WASF2: variants seen among roughly 807,000 people sequenced by gnomAD.
The protein encoded by WASF2 is WASP family member 2, also known as actin-binding protein WASF2.
Under a neutral mutation model 45.0 loss-of-function variants are expected in WASF2, and 14 were observed. That is an observed-to-expected ratio of 0.31 (90% CI 0.21 to 0.49). The LOEUF (loss-of-function observed/expected upper bound fraction) is 0.49, where lower values mean the gene tolerates loss of function less well. Among genes scored for constraint, WASF2 ranks in the 20% least tolerant of loss-of-function variants. The pLI is 0.99. For synonymous variants in WASF2, 200 were observed against 236.3 expected, an observed-to-expected ratio of 0.85 and a Z score of 1.41; for missense variants, 439 against 636.1, an observed-to-expected ratio of 0.69 and a Z score of 3.33.
chr1:27,439,454 G>A (rs566060408), intron 1 of WASF2, among the ~76,000 whole-genome samples: 7 of 152,232 alleles, frequency 4.6e-5, no homozygotes, highest in South Asian at 2.1e-4. Context: ...GCTTCAGGTC[G>A]TATTAATGGT....
At chr1:27,454,557 C>T (rs1397962140) in intron 1 of WASF2, among the ~76,000 whole-genome samples, 6 of 152,054 alleles carry the variant, frequency 3.9e-5, no homozygotes, top group Non-Finnish European at 7.4e-5. Context: ...AGGGTGGTCT[C>T]GAACTACTGG....
chr1:27,488,230 A>G (rs2148149950), intron 1 of WASF2, among the ~76,000 whole-genome samples: 1 of 152,282 alleles, frequency 6.6e-6, no homozygotes, highest in Admixed American at 6.5e-5. Flanking sequence ...TACTATTCTG[A>G]TTAACCAAAA....
At chr1:27,454,181 ATATATATTTT>A (rs1398334615) in intron 1 of WASF2, among the ~76,000 whole-genome samples, 12 of 9,754 alleles carry the variant, frequency 1.2e-3, no homozygotes, top group African/African-American at 2.5e-3. Flanking sequence ...ATATATATAT[ATATATATTTT>A]TTTTTTTTTT....
chr1:27,445,615 T>G (rs185107790), intron 1 of WASF2, among the ~76,000 whole-genome samples: 38 of 152,306 alleles, frequency 2.5e-4, no homozygotes, highest in Non-Finnish European at 4.6e-4. Context: ...AGCCAGATGC[T>G]CAGGGGCTTC....
In WASF2 at chr1:27,408,226, T is replaced by C. The variant is rs1481919478; in HGVS notation, c.1460A>G (p.Asp487Gly). 2 of 1,613,412 alleles carry C rather than the reference T, an allele frequency of 1.2e-6. No individual in the cohort carries two copies. The highest frequency in any genetic ancestry group is 2.7e-5 in the African/African-American group (2 of 74,754). ...IAVEYSDSED[D>G]SSEFDEDDWS... The stretch of plus-strand genomic sequence containing the variant: ...GTCGTCCTCATCAAATTCAGAGGAG[T>C]CATCTTCTGAGTCACTGTACTCAAC... The change falls in exon 9 of 9, where the codon GAC becomes GGC. Residue 487 changes from aspartate (D) to glycine (G), a missense_variant. Coordinates refer to ENST00000618852, the MANE Select transcript of WASF2 (RefSeq NM_006990.5).
rs1179817918 is a variant in WASF2, at chr1:27,452,827, A to G, written c.-43-23894T>C. Reference sequence around the variant, plus strand: ...TGGGACTCCATCTCAAAAAATTAAAATAAAAACAAAAATTTAAAAATTAAA... The same window carrying G: ...TGGGACTCCATCTCAAAAAATTAAAGTAAAAACAAAAATTTAAAAATTAAA... On this transcript the variant is annotated intron_variant, in intron 1 of 8. Transcript: ENST00000618852. Among the ~76,000 whole-genome samples the G allele has an allele frequency of 2.0e-5, 3 of 151,310 alleles. No individual in the cohort carries two copies. In the East Asian group the frequency reaches 5.9e-4, roughly 30 times the overall value.
At chr1:27,457,862 A>C (rs189715367) in intron 1 of WASF2, among the ~76,000 whole-genome samples, 1 of 152,002 alleles carries the variant, frequency 6.6e-6, no homozygotes, top group Non-Finnish European at 1.5e-5. Context: ...GCCTCAAGCA[A>C]TCCTCCCACC....
At chr1:27,487,864 A>G (rs1386280370) in intron 1 of WASF2, among the ~76,000 whole-genome samples, 1 of 148,390 alleles carries the variant, frequency 6.7e-6, no homozygotes, top group African/African-American at 2.5e-5. Flanking sequence ...TCCATTGTAA[A>G]TAATTTACTC....
At chr1:27,429,066 CCTAT>C (rs1194274290) in intron 1 of WASF2, 133 bp from the exon 2 acceptor site, 5 of 806,384 alleles carry the variant, frequency 6.2e-6, no homozygotes, top group East Asian at 2.9e-5. Flanking sequence ...CTTCATTCTC[CCTAT>C]CTTTTTTTTT....
rs867129105 is a variant in WASF2, at chr1:27,477,926, A to T, written c.-44+12060T>A. Among the ~76,000 whole-genome samples the T allele has an allele frequency of 8.3e-5, 8 of 96,796 alleles. 1 individual carries two copies. The highest frequency in any genetic ancestry group is 3.3e-4 in the African/African-American group (4 of 12,060). The allele number at this position is 96,796 out of a possible 152,430, so 63.5% of individuals were successfully genotyped here. A position where few individuals can be genotyped will look rare whatever the true frequency, so the allele number is the denominator to read the frequency against. On this transcript the variant is annotated intron_variant, in intron 1 of 8. Coordinates refer to ENST00000618852, the MANE Select transcript of WASF2 (RefSeq NM_006990.5). ...AAAAAAAAAATAAATAAATAAAAAA[A>T]AAAATAAAAATAAATAAATCTAGGA...
At chr1:27,413,460 C>G (rs2016791503) in intron 6 of WASF2, among the ~76,000 whole-genome samples, 1 of 152,172 alleles carries the variant, frequency 6.6e-6, no homozygotes, top group South Asian at 2.1e-4. Flanking sequence ...CCTCTTTCCA[C>G]CATTGTTGGG....
chr1:27,444,507 T>C (rs1384349595), intron 1 of WASF2, among the ~76,000 whole-genome samples: 1 of 152,230 alleles, frequency 6.6e-6, no homozygotes, highest in Non-Finnish European at 1.5e-5. Context: ...CGAGTTTATA[T>C]GGACCTACCT....
At chr1:27,474,324 G>T (rs539649122) in intron 1 of WASF2, among the ~76,000 whole-genome samples, 4 of 151,708 alleles carry the variant, frequency 2.6e-5, no homozygotes, top group African/African-American at 9.7e-5. Flanking sequence ...ACTTCTTCCA[G>T]ACTTCCCATT....
intron 2 of WASF2, among the ~76,000 whole-genome samples, chr1:27,421,249 A>G (rs2016904678): frequency 6.6e-6 from 1 of 152,262 alleles, no homozygotes; most frequent in Admixed American, 6.5e-5. Context: ...CCCTGTTCTA[A>G]TATGGCTAAG....
intron 2 of WASF2, among the ~76,000 whole-genome samples, chr1:27,420,514 C>CTTTTTTTTTTTT (rs782294669): frequency 2.4e-5 from 2 of 82,490 alleles, no homozygotes; most frequent in African/African-American, 5.6e-5. Flanking sequence ...ACCATCTGAG[C>CTTTTTTTTTTTT]TTTTTTTTTT....
intron 2 of WASF2, 36 bp from the exon 3 acceptor site, chr1:27,419,124 A>G (rs768510706): frequency 6.2e-7 from 1 of 1,607,794 alleles, no homozygotes; most frequent in South Asian, 1.1e-5. Context: ...ACTAGTGCAT[A>G]GAAGTAACGT....
At chr1:27,454,119 A>ATG (rs1322709314) in intron 1 of WASF2, among the ~76,000 whole-genome samples, 161 of 140,152 alleles carry the variant, frequency 1.1e-3, no homozygotes, top group Middle Eastern at 3.7e-3. Flanking sequence ...GTGTATATAT[A>ATG]TGTGTGTATA....
intron 1 of WASF2, among the ~76,000 whole-genome samples, chr1:27,440,633 T>G (rs2017211154): frequency 6.6e-6 from 1 of 152,096 alleles, no homozygotes; most frequent in Non-Finnish European, 1.5e-5. Context: ...TAGGCTGAAA[T>G]TTAGTGGCTA....
Position 27,483,007 on chromosome 1 carries a change from G to C in WASF2, c.-44+6979C>G, listed in dbSNP as rs144789088. On this transcript the variant is annotated intron_variant, in intron 1 of 8. Coordinates refer to ENST00000618852, the MANE Select transcript of WASF2 (RefSeq NM_006990.5). ...GTATTCCTGGTCGGACCATGAAATG[G>C]AAGAGGAGCACACAAGAATGAAGCA... 4.8e-4 allele frequency among the ~76,000 whole-genome samples: 73 copies of C among 152,250 alleles called. No individual in the cohort carries two copies. The East Asian group carries it at 8.5e-3, about 18-fold the overall frequency.
Sources: allele counts gnomAD v4.1 joint callset (sites outside exome capture counted in the v4.1 genomes callset), GRCh38; gene constraint gnomAD v4.1.1; transcripts MANE v1.5; gene names NCBI Gene and HGNC (gene_info 2026-07-23, HGNC 2026-07-21).